The following MGME1 variants were observed in gnomAD, a reference collection of about 807,000 sequenced individuals.
The protein encoded by MGME1 is mitochondrial genome maintenance exonuclease 1.
Under a neutral mutation model 33.0 loss-of-function variants are expected in MGME1, and 22 were observed. The ratio of observed to expected loss-of-function variants is 0.67; its 90% CI spans 0.48 to 0.95. The LOEUF (loss-of-function observed/expected upper bound fraction) is 0.95, where lower values mean the gene tolerates loss of function less well. MGME1 is among the 40% of genes least tolerant of loss of function. The probability of loss-of-function intolerance (pLI) is 0.00; values close to 1 mark genes in which losing one functional copy is unlikely to be tolerated. For missense variants in MGME1, 383 were observed against 397.8 expected (o/e 0.96, Z 0.32); for synonymous variants, 133 against 144.0 (o/e 0.92, Z 0.55).
chr20:17,977,612 A>G (rs1022997953), intron 3 of MGME1, among the ~76,000 whole-genome samples: 2 of 152,186 alleles, frequency 1.3e-5, no homozygotes, highest in African/African-American at 2.4e-5. Flanking sequence ...TTTGTGATAA[A>G]GGATTAATTT....
chr20:17,985,726 T>C (rs1323111114), intron 3 of MGME1, among the ~76,000 whole-genome samples: 1 of 152,236 alleles, frequency 6.6e-6, no homozygotes, highest in African/African-American at 2.4e-5. Flanking sequence ...TTAGATGCAC[T>C]AATGCTTACC....
upstream of MGME1, chr20:17,968,604 C>G: frequency 1.6e-6 from 1 of 633,952 alleles, no homozygotes; most frequent in South Asian, 1.6e-5. Context: ...GCCCCGGGAG[C>G]AGGCGAGCAG....
chr20:17,978,037 A>G (rs2035912093), intron 3 of MGME1, among the ~76,000 whole-genome samples: 1 of 152,144 alleles, frequency 6.6e-6, no homozygotes, highest in Admixed American at 6.5e-5. Flanking sequence ...AAATTCGTAA[A>G]CTTTCTTAAA....
chr20:17,975,096 G>A (rs568952768), intron 2 of MGME1, among the ~76,000 whole-genome samples: 1 of 152,218 alleles, frequency 6.6e-6, no homozygotes, highest in Admixed American at 6.5e-5. Flanking sequence ...TGGTCTTGTA[G>A]CCGCCAGATC....
At chr20:17,970,438 AGAAT>A (rs571890005) in intron 2 of MGME1, 68 bp downstream of exon 2, 228 of 1,493,986 alleles carry the variant, frequency 1.5e-4, no homozygotes, top group Non-Finnish European at 1.8e-4. Context: ...CGGTGTCAAA[AGAAT>A]GAGGTTTGGT....
At chr20:17,988,366 G>A in intron 4 of MGME1, 68 bp downstream of exon 4, 1 of 1,542,644 alleles carries the variant, frequency 6.5e-7, no homozygotes. Flanking sequence ...TCCGGGCCGG[G>A]CGCAGTGGCT....
Position 17,969,794 on chromosome 20 carries a change from C to G in MGME1, c.-59-7C>G. 6.8e-7 allele frequency: 1 copy of G among 1,469,386 alleles called. No individual in the cohort carries two copies. Among genetic ancestry groups the G allele is most frequent in the Non-Finnish European group, 9.1e-7 (1 of 1,095,394 alleles). The allele number at this position is 1,469,386 out of a possible 1,614,324, so 91.0% of individuals were successfully genotyped here. A position where few individuals can be genotyped will look rare whatever the true frequency, so the allele number is the denominator to read the frequency against. ...TTTCGCTTTGATGGTTGTTTTCTCT[C>G]CAATAGGAATACAAACATAAAGGCC... On this transcript the variant is annotated splice_polypyrimidine_tract_variant and splice_region_variant and intron_variant, in intron 1 of 4. Coordinates refer to ENST00000377710, the MANE Select transcript of MGME1 (RefSeq NM_052865.4).
intron 2 of MGME1, among the ~76,000 whole-genome samples, chr20:17,973,933 G>A (rs1486986877): frequency 6.6e-6 from 1 of 152,110 alleles, no homozygotes; most frequent in Non-Finnish European, 1.5e-5. Flanking sequence ...TGGGTTGTTG[G>A]GTTTGAAAAT....
chr20:17,970,303 G>C lies in MGME1; in HGVS notation c.444G>C (p.Leu148Phe). ...CCATGACAAAACAACAGGTTTTCTT[G>C]TTGGAGAGGTGGAAACAGCGGATGA... ...QQTMTKQQVF[L>F]LERWKQRMIL... Residue 148 changes from leucine (L) to phenylalanine (F), a missense_variant, in exon 2 of 5, where the codon TTG becomes TTC. Leu to Phe is a conservative substitution (Grantham distance 22). Transcript: ENST00000377710. 1 of 1,614,232 alleles carries C rather than the reference G, an allele frequency of 6.2e-7. No individual in the cohort carries two copies. Among genetic ancestry groups the C allele is most frequent in the Non-Finnish European group, 8.5e-7 (1 of 1,180,038 alleles).
intron 3 of MGME1, among the ~76,000 whole-genome samples, chr20:17,981,999 C>A (rs912055249): frequency 7.2e-5 from 11 of 152,102 alleles, no homozygotes; most frequent in African/African-American, 2.4e-4. Context: ...TATGAATGAG[C>A]CTTACCCATT....
At chr20:17,969,163 T>A (rs1448537986) in intron 1 of MGME1, 22 bp downstream of exon 1, 2 of 152,312 alleles carry the variant, frequency 1.3e-5, no homozygotes, top group Non-Finnish European at 2.9e-5. Context: ...TGCCGTAGGC[T>A]GGGCTTTTAT....
chr20:17,979,265 G>C (rs2035943806), intron 3 of MGME1, among the ~76,000 whole-genome samples: 1 of 151,878 alleles, frequency 6.6e-6, no homozygotes, highest in Non-Finnish European at 1.5e-5. Context: ...GTTTTGTAGA[G>C]ATGGGGTTTT....
intron 1 of MGME1, 119 bp from the exon 2 acceptor site, chr20:17,969,682 G>C: frequency 1.6e-6 from 1 of 607,630 alleles, no homozygotes; most frequent in Non-Finnish European, 2.7e-6. Flanking sequence ...GCAGGGTCTC[G>C]CTCTGTCGAC....
chr20:17,978,780 T>C (rs901352519), intron 3 of MGME1, among the ~76,000 whole-genome samples: 10 of 151,982 alleles, frequency 6.6e-5, no homozygotes, highest in Admixed American at 6.6e-4. Flanking sequence ...TTTGTTGTTT[T>C]TGTTTTTGTT....
chr20:17,983,157 G>A (rs981826753), intron 3 of MGME1, among the ~76,000 whole-genome samples: 1 of 151,940 alleles, frequency 6.6e-6, no homozygotes, highest in African/African-American at 2.4e-5. Flanking sequence ...AAATCATGCA[G>A]TATTTGTCTT....
intron 3 of MGME1, among the ~76,000 whole-genome samples, chr20:17,981,797 G>A (rs920737750): frequency 2.0e-5 from 3 of 151,950 alleles, no homozygotes; most frequent in African/African-American, 7.2e-5. Context: ...GAGTAGCTGG[G>A]ATTACAGGTG....
chr20:17,989,247 G>A (rs930738708), intron 4 of MGME1, among the ~76,000 whole-genome samples: 10 of 151,958 alleles, frequency 6.6e-5, no homozygotes, highest in African/African-American at 2.2e-4. Context: ...TTAGCTGGGC[G>A]TGGTGGTGTG....
chr20:17,975,477 A>C (rs1322365239), intron 2 of MGME1, among the ~76,000 whole-genome samples: 1 of 149,588 alleles, frequency 6.7e-6, no homozygotes, highest in Non-Finnish European at 1.5e-5. Context: ...GAATCACTTG[A>C]CCCCAGGAGG....
At position 17,971,641 on chromosome 20, in the gene MGME1, A is replaced by C. The variant is rs78178746; in HGVS notation, c.511+1271A>C. On this transcript the variant is annotated intron_variant, in intron 2 of 4. Transcript: ENST00000377710. ...AAGTAAGGAAGTGCACCAGAGAGGA[A>C]TTTCTGTTTGGAATGTGAATGAGCC... is the stretch of plus-strand genomic sequence containing the variant. Among the ~76,000 whole-genome samples the C allele has an allele frequency of 6.1e-3, 936 of 152,228 alleles. 10 individuals carry two copies. The highest frequency in any genetic ancestry group is 0.022 in the African/African-American group (915 of 41,540).
Sources: allele counts gnomAD v4.1 joint callset (sites outside exome capture counted in the v4.1 genomes callset), GRCh38; gene constraint gnomAD v4.1.1; transcripts MANE v1.5; gene names NCBI Gene and HGNC (gene_info 2026-07-23, HGNC 2026-07-21).